ANO3: variants seen among roughly 807,000 people sequenced by gnomAD.
ANO3 encodes the protein anoctamin-3.
A neutral mutation model predicts 144.8 loss-of-function variants in ANO3; 99 were observed. The observed-to-expected ratio is 0.68, with a 90% CI of 0.58 to 0.81. The LOEUF is 0.81. Ranked by LOEUF, ANO3 falls within the 30% of genes least tolerant of loss-of-function variation. The pLI is 0.00. For synonymous variants in ANO3, 414 were observed against 392.6 expected, an observed-to-expected ratio of 1.05 and a Z score of -0.64; for missense variants, 905 against 1,202.2, an observed-to-expected ratio of 0.75 and a Z score of 3.66.
At chr11:26,283,590 G>A (rs1490478829) in intron 1 of ANO3, among the ~76,000 whole-genome samples, 2 of 151,808 alleles carry the variant, frequency 1.3e-5, no homozygotes, top group African/African-American at 4.8e-5. Flanking sequence ...AAAGAGAAAA[G>A]GATTATCACT....
chr11:26,539,491 T>C (rs1473584439), intron 10 of ANO3, among the ~76,000 whole-genome samples: 1 of 152,190 alleles, frequency 6.6e-6, no homozygotes. Context: ...CCTTTTAATC[T>C]TTGGGCTTTA....
chr11:26,265,328 T>C (rs1427353663), intron 1 of ANO3, among the ~76,000 whole-genome samples: 2 of 152,172 alleles, frequency 1.3e-5, no homozygotes, highest in Admixed American at 6.5e-5. Context: ...ACAATAATCA[T>C]ATACAACTAT....
At chr11:26,538,704 AATAAGTT>A (rs1185624126) in intron 10 of ANO3, among the ~76,000 whole-genome samples, 1 of 152,162 alleles carries the variant, frequency 6.6e-6, no homozygotes, top group African/African-American at 2.4e-5. Flanking sequence ...ACTTATTATA[AATAAGTT>A]ATAAGTATCA....
intron 1 of ANO3, among the ~76,000 whole-genome samples, chr11:26,261,113 C>T (rs1853178783): frequency 6.6e-6 from 1 of 152,140 alleles, no homozygotes; most frequent in Admixed American, 6.5e-5. Context: ...TTTAACTTTT[C>T]AGTTCTTCTA....
chr11:26,500,114 C>A (rs1173638795), intron 4 of ANO3, among the ~76,000 whole-genome samples: 1 of 152,012 alleles, frequency 6.6e-6, no homozygotes, highest in South Asian at 2.1e-4. Flanking sequence ...TCAAAGTAGA[C>A]CTATGTTGTA....
At chr11:26,563,395 C>CTCTGTGTG (rs371195680) in intron 14 of ANO3, 37 of 540,110 alleles carry the variant, frequency 6.9e-5, no homozygotes, top group African/African-American at 6.0e-4. Context: ...GTTTCTCTCT[C>CTCTGTGTG]TGTGTGTGTG....
At chr11:26,365,243 C>T (rs58152915) in intron 1 of ANO3, among the ~76,000 whole-genome samples, 2,028 of 152,318 alleles carry the variant, frequency 0.013, 50 homozygotes, top group African/African-American at 0.047. Context: ...ATGGGCAGCT[C>T]CACTCCTGCA....
chr11:26,336,422 T>C (rs185909556), intron 1 of ANO3, among the ~76,000 whole-genome samples: 152 of 152,352 alleles, frequency 1.0e-3, no homozygotes, highest in African/African-American at 2.7e-3. Flanking sequence ...AGTAATTCCA[T>C]AGAAATAAGC....
At chr11:26,214,460 G>A (rs887874499) in intron 1 of ANO3, among the ~76,000 whole-genome samples, 3 of 151,910 alleles carry the variant, frequency 2.0e-5, no homozygotes, top group South Asian at 2.1e-4. Flanking sequence ...AGATGTCATC[G>A]CATCACTATT....
intron 1 of ANO3, among the ~76,000 whole-genome samples, chr11:26,351,228 T>A (rs771033846): frequency 1.3e-5 from 2 of 151,838 alleles, no homozygotes; most frequent in Non-Finnish European, 2.9e-5. Flanking sequence ...AGTTTTTCCA[T>A]GGGTACATTC....
At chr11:26,370,751 G>A (rs1054194069) in intron 1 of ANO3, among the ~76,000 whole-genome samples, 1 of 152,164 alleles carries the variant, frequency 6.6e-6, no homozygotes, top group Non-Finnish European at 1.5e-5. Flanking sequence ...GTTGGAAACT[G>A]GAGTAAAGGT....
At position 26,452,174 on chromosome 11, in the gene ANO3, A is replaced by G. The variant is rs532646610; in HGVS notation, c.313+8338A>G. Reference sequence around the variant, plus strand: ...AACTGGAAACTCTAAAAAGCAGAGCACCTCTCCTGCTCCAAAGGAATGCAG... The same window carrying G: ...AACTGGAAACTCTAAAAAGCAGAGCGCCTCTCCTGCTCCAAAGGAATGCAG... On this transcript the variant is annotated intron_variant, in intron 3 of 26. Transcript: ENST00000256737. 3.8e-3 allele frequency among the ~76,000 whole-genome samples: 576 copies of G among 152,306 alleles called. 4 individuals carry two copies. The highest frequency in any genetic ancestry group is 0.013 in the African/African-American group (546 of 41,562).
chr11:26,204,953 TG>T (rs1226992465), intron 1 of ANO3, among the ~76,000 whole-genome samples: 2 of 152,124 alleles, frequency 1.3e-5, no homozygotes, highest in Non-Finnish European at 2.9e-5. Context: ...GAGGTTTAAT[TG>T]ACTCACTGTT....
intron 4 of ANO3, among the ~76,000 whole-genome samples, chr11:26,487,626 A>G (rs563769477): frequency 6.6e-6 from 1 of 152,256 alleles, no homozygotes; most frequent in Non-Finnish European, 1.5e-5. Flanking sequence ...TGGCTTTGAA[A>G]AAAATGCCGA....
chr11:26,561,181 C>CA (rs754320884), intron 14 of ANO3: 3 of 1,611,930 alleles, frequency 1.9e-6, no homozygotes, highest in Non-Finnish European at 2.5e-6. Flanking sequence ...CTAGAATTCC[C>CA]AAAACTCACA....
chr11:26,400,008 C>A (rs1476956102), intron 1 of ANO3, among the ~76,000 whole-genome samples: 2 of 152,166 alleles, frequency 1.3e-5, no homozygotes, highest in East Asian at 1.9e-4. Flanking sequence ...TTCTGCTAAC[C>A]ACATGTAGAT....
chr11:26,537,565 C>A, intron 10 of ANO3, 104 bp downstream of exon 10: 1 of 1,004,154 alleles, frequency 1.0e-6, no homozygotes, highest in Non-Finnish European at 1.6e-6. Flanking sequence ...CAGGAGGATT[C>A]AGTCTGCAAG....
chr11:26,193,618 A>C (rs997958002), intron 1 of ANO3, among the ~76,000 whole-genome samples: 1 of 152,330 alleles, frequency 6.6e-6, no homozygotes, highest in East Asian at 1.9e-4. Flanking sequence ...TCTACCCAGA[A>C]AGTTCTTCCT....
intron 23 of ANO3, among the ~76,000 whole-genome samples, chr11:26,644,332 A>G (rs1023881169): frequency 3.3e-5 from 5 of 152,180 alleles, no homozygotes; most frequent in South Asian, 2.1e-4. Flanking sequence ...ACAAATTTCT[A>G]TGATATGTAT....
Sources: allele counts gnomAD v4.1 joint callset (sites outside exome capture counted in the v4.1 genomes callset), GRCh38; gene constraint gnomAD v4.1.1; transcripts MANE v1.5; gene names NCBI Gene and HGNC (gene_info 2026-07-23, HGNC 2026-07-21).